Variants in LRRCC1 observed in about 807,000 individuals in gnomAD.
The protein encoded by LRRCC1 is leucine rich repeat and coiled-coil centrosomal protein 1.
In LRRCC1, 115 loss-of-function variants were observed where a neutral mutation model predicts 126.0. The ratio of observed to expected loss-of-function variants is 0.91; its 90% CI spans 0.78 to 1.07. The LOEUF (loss-of-function observed/expected upper bound fraction) is 1.07. Among genes scored for constraint, LRRCC1 ranks in the 50% least tolerant of loss-of-function variants. LRRCC1 has a pLI of 0.00. For synonymous variants in LRRCC1, 400 were observed against 393.4 expected, an observed-to-expected ratio of 1.02 and a Z score of -0.20; for missense variants, 1,172 against 1,175.7, an observed-to-expected ratio of 1.00 and a Z score of 0.05.
intron 6 of LRRCC1, among the ~76,000 whole-genome samples, chr8:85,123,015 C>T (rs1809685667): frequency 6.6e-6 from 1 of 152,102 alleles, no homozygotes; most frequent in Non-Finnish European, 1.5e-5. Context: ...CTGGTTTTTC[C>T]TACCTGAGGT....
chr8:85,141,635 T>C lies in LRRCC1; in HGVS notation c.2976+118T>C, dbSNP rs560138165. The C allele has an allele frequency of 4.0e-5, 29 of 721,682 alleles. No individual in the cohort carries two copies. In the South Asian group the frequency reaches 5.5e-4, roughly 14 times the overall value. The allele number at this position is 721,682 out of a possible 1,614,324, so 44.7% of individuals were successfully genotyped here. ...ACATGATCTCATGACCAAATAGATATAAAGAATGTTACCAAAACTATCCTA... is the reference window on the plus strand; with the variant it reads ...ACATGATCTCATGACCAAATAGATACAAAGAATGTTACCAAAACTATCCTA... On this transcript the variant is annotated intron_variant, in intron 18 of 18. Transcript: ENST00000360375.
In LRRCC1 at chr8:85,126,683, T is replaced by TAAG; in HGVS notation, c.1273-6_1273-5insAAG. Reference sequence around the variant, plus strand: ...AAGTTCACATAACTTTGTTGTTTTCTTTCAGTCCCTTGTTGAACAGCTAGA... The same window carrying TAAG: ...AAGTTCACATAACTTTGTTGTTTTCTAAGTTCAGTCCCTTGTTGAACAGCTAGA... On this transcript the variant is annotated splice_polypyrimidine_tract_variant and splice_region_variant and intron_variant, in intron 8 of 18. Transcript: ENST00000360375. 1 of 1,603,762 alleles carries TAAG rather than the reference T, an allele frequency of 6.2e-7. No individual in the cohort carries two copies. The highest frequency in any genetic ancestry group is 1.8e-5 in the Admixed American group (1 of 57,132).
intron 14 of LRRCC1, among the ~76,000 whole-genome samples, chr8:85,136,221 A>G (rs1207174206): frequency 1.3e-5 from 2 of 152,130 alleles, no homozygotes; most frequent in African/African-American, 2.4e-5. Context: ...TTTGACTACT[A>G]TTCTGAACCA....
chr8:85,141,335 C>T (rs370401681), intron 17 of LRRCC1, 47 bp from the exon 18 acceptor site: 56 of 1,481,526 alleles, frequency 3.8e-5, no homozygotes, highest in South Asian at 3.7e-4. Flanking sequence ...TCTTTACATT[C>T]ACACCACATA....
At chr8:85,130,114 T>C in intron 11 of LRRCC1, 56 bp downstream of exon 11, 4 of 1,131,974 alleles carry the variant, frequency 3.5e-6, no homozygotes, top group African/African-American at 1.6e-5. Flanking sequence ...AAAAGAAAGC[T>C]ACTGGTTCCC....
intron 7 of LRRCC1, 30 bp downstream of exon 7, chr8:85,123,636 C>T: frequency 6.8e-7 from 1 of 1,473,654 alleles, no homozygotes; most frequent in South Asian, 1.3e-5. Flanking sequence ...AAATTTAAGG[C>T]ACACAGAAGT....
intron 8 of LRRCC1, among the ~76,000 whole-genome samples, chr8:85,125,343 C>A (rs917882133): frequency 2.0e-5 from 3 of 152,034 alleles, no homozygotes; most frequent in South Asian, 4.1e-4. Context: ...CATGGACTTT[C>A]CTGAAACTCA....
chr8:85,144,426 G>T, intron 18 of LRRCC1, among the ~76,000 whole-genome samples: 1 of 19,114 alleles, frequency 5.2e-5, no homozygotes, highest in East Asian at 5.0e-4. Flanking sequence ...GTGTGTGTGT[G>T]TATGTGTGTG....
At chr8:85,131,017 T>G (rs1016860174) in intron 11 of LRRCC1, among the ~76,000 whole-genome samples, 5 of 152,242 alleles carry the variant, frequency 3.3e-5, no homozygotes, top group Non-Finnish European at 7.3e-5. Context: ...TTTACTATCC[T>G]ACCAGTGAAA....
At chr8:85,134,425 C>G (rs2135985124) in intron 12 of LRRCC1, among the ~76,000 whole-genome samples, 1 of 152,276 alleles carries the variant, frequency 6.6e-6, no homozygotes, top group South Asian at 2.1e-4. Flanking sequence ...TCAAGTGATT[C>G]TCCTGCCTCA....
chr8:85,135,769 T>G lies in LRRCC1; in HGVS notation c.2155-20T>G. ...GCACTTAATATAATAATTCTTATTT[T>G]TTTTTTTGGGAATATACAGAATCAA... On this transcript the variant is annotated intron_variant, in intron 13 of 18. Transcript: ENST00000360375. 3 of 1,351,110 alleles carry G rather than the reference T, an allele frequency of 2.2e-6. No homozygotes were observed. Among genetic ancestry groups the G allele is most frequent in the Non-Finnish European group, 2.9e-6 (3 of 1,030,026 alleles). 83.7% of individuals were successfully genotyped at this position (1,351,110 alleles called of 1,614,324 possible). A position where few individuals can be genotyped will look rare whatever the true frequency, so the allele number is the denominator to read the frequency against.
At position 85,112,998 on chromosome 8, in the gene LRRCC1, A is replaced by C. The variant is rs779086071; in HGVS notation, c.443A>C (p.Asp148Ala). 6.2e-7 allele frequency: 1 copy of C among 1,604,102 alleles called. No individual in the cohort carries two copies. Among genetic ancestry groups the C allele is most frequent in the Non-Finnish European group, 8.5e-7 (1 of 1,172,056 alleles). The change falls in exon 4 of 19, where the codon GAT becomes GCT. Residue 148 changes from aspartate to alanine, a missense_variant. By Grantham distance (126) the Asp-to-Ala change is moderately radical. Coordinates refer to ENST00000360375, the MANE Select transcript of LRRCC1 (RefSeq NM_033402.5). The part of the protein sequence containing the change: ...RYIDLHSNRI[D>A]SIHHLLQCMV... ...ATTGATCTACATAGTAATCGTATAG[A>C]TAGTATCCATCACTTACTTCAGTGT... is the stretch of plus-strand genomic sequence containing the variant.
At chr8:85,110,427 G>C (rs1587362985) in intron 3 of LRRCC1, among the ~76,000 whole-genome samples, 1 of 152,290 alleles carries the variant, frequency 6.6e-6, no homozygotes, top group East Asian at 1.9e-4. Context: ...GGATCCAGTT[G>C]AAGGGAATAT....
chr8:85,132,021 GAGGACTTGTTTT>G, intron 12 of LRRCC1, 60 bp downstream of exon 12: 1 of 1,397,156 alleles, frequency 7.2e-7, no homozygotes, highest in Non-Finnish European at 9.8e-7. Flanking sequence ...GGTTTGATGA[GAGGACTTGTTTT>G]AGAAACATAG....
rs753453854 is a variant in LRRCC1, at chr8:85,135,843, CAAA to C, written c.2210_2212del (p.Gln737_Ile738delinsLeu). On this transcript the variant is annotated inframe_deletion, in exon 14 of 19. Transcript: ENST00000360375. The stretch of plus-strand genomic sequence containing the variant: ...TGAAGATGACAAGCAGAAGAGTATT[CAAA>C]TAGAACTTCTCAAGCACGAAAAAGT... 14 of 1,598,586 alleles carry C rather than the reference CAAA, an allele frequency of 8.8e-6. No homozygotes were observed. Among genetic ancestry groups the C allele is most frequent in the Non-Finnish European group, 1.2e-5 (14 of 1,172,040 alleles).
At chr8:85,142,717 C>T (rs569264529) in intron 18 of LRRCC1, among the ~76,000 whole-genome samples, 15 of 151,414 alleles carry the variant, frequency 9.9e-5, no homozygotes, top group Admixed American at 2.0e-4. Flanking sequence ...GTAGTCACAG[C>T]TATTTGGGAG....
Position 85,129,102 on chromosome 8 carries a change from C to T in LRRCC1, c.1422-73C>T, listed in dbSNP as rs565580513. The T allele has an allele frequency of 6.2e-4, 663 of 1,072,504 alleles. 1 individual carries two copies. Among genetic ancestry groups the T allele is most frequent in the Middle Eastern group, 3.1e-3 (10 of 3,200 alleles). 66.4% of individuals were successfully genotyped at this position (1,072,504 alleles called of 1,614,324 possible). A position where few individuals can be genotyped will look rare whatever the true frequency, so the allele number is the denominator to read the frequency against. On this transcript the variant is annotated intron_variant, in intron 9 of 18. Coordinates refer to ENST00000360375, the MANE Select transcript of LRRCC1 (RefSeq NM_033402.5). Reference sequence around the variant, plus strand: ...AAGGAAGACCAGTTCAGAGAGTACTCTCATTGAAGTCAACAATTTTATCAT... The same window carrying T: ...AAGGAAGACCAGTTCAGAGAGTACTTTCATTGAAGTCAACAATTTTATCAT...
chr8:85,123,617 T>C lies in LRRCC1; in HGVS notation c.1124+11T>C, dbSNP rs748187114. Reference sequence around the variant, plus strand: ...CAACTCTTTTGTAAGGTACTTGTTTTAGTTTTAGAAATTTAAGGCACACAG... The same window carrying C: ...CAACTCTTTTGTAAGGTACTTGTTTCAGTTTTAGAAATTTAAGGCACACAG... On this transcript the variant is annotated intron_variant, in intron 7 of 18. Coordinates refer to ENST00000360375, the MANE Select transcript of LRRCC1 (RefSeq NM_033402.5). The C allele has an allele frequency of 9.7e-6, 15 of 1,553,672 alleles. No individual in the cohort carries two copies. The highest frequency in any genetic ancestry group is 1.4e-5 in the African/African-American group (1 of 71,540).
In LRRCC1 at chr8:85,107,396, A is replaced by C; in HGVS notation, c.101A>C (p.Gln34Pro). The C allele has an allele frequency of 1.9e-6, 3 of 1,611,812 alleles. No homozygotes were observed. Among genetic ancestry groups the C allele is most frequent in the Non-Finnish European group, 1.7e-6 (2 of 1,178,372 alleles). ...GDVCFMDKGL[Q>P]SISELSLDST... ...GTATGCTTCATGGACAAAGGCTTGCAGAGGTAAAGGGCGCTCCGCAGCCAG... is the reference window on the plus strand; with the variant it reads ...GTATGCTTCATGGACAAAGGCTTGCCGAGGTAAAGGGCGCTCCGCAGCCAG... The change falls in exon 1 of 19, where the codon CAG becomes CCG. Residue 34 changes from glutamine to proline, a missense_variant. Transcript: ENST00000360375.
Sources: allele counts gnomAD v4.1 joint callset (sites outside exome capture counted in the v4.1 genomes callset), GRCh38; gene constraint gnomAD v4.1.1; transcripts MANE v1.5; gene names NCBI Gene and HGNC (gene_info 2026-07-23, HGNC 2026-07-21).